SECISBP2: variants seen among roughly 807,000 people sequenced by gnomAD.
The protein encoded by SECISBP2 is selenocysteine insertion sequence-binding protein 2.
A neutral mutation model predicts 98.2 loss-of-function variants in SECISBP2; 96 were observed. The ratio of observed to expected loss-of-function variants is 0.98; its 90% confidence interval spans 0.83 to 1.16. The LOEUF is 1.16. Among genes scored for constraint, SECISBP2 ranks in the 50% most tolerant of loss-of-function variants. The probability of loss-of-function intolerance (pLI) is 0.00; values close to 1 mark genes in which losing one functional copy is unlikely to be tolerated. For synonymous variants in SECISBP2, 407 were observed against 370.2 expected, an observed-to-expected ratio of 1.10 and a Z score of -1.14; for missense variants, 1,046 against 1,022.9, an observed-to-expected ratio of 1.02 and a Z score of -0.31.
At chr9:89,356,402 C>T (rs1227296054) in intron 14 of SECISBP2, 1 of 152,190 alleles carries the variant, frequency 6.6e-6, no homozygotes, top group Non-Finnish European at 1.5e-5. Flanking sequence ...GACATTTCAT[C>T]ATTTTGGATC....
At chr9:89,335,364 TCA>T (rs1828485627) in intron 7 of SECISBP2, among the ~76,000 whole-genome samples, 1 of 152,022 alleles carries the variant, frequency 6.6e-6, no homozygotes, top group South Asian at 2.1e-4. Flanking sequence ...AGATGGGGTC[TCA>T]CTGTTGCCCA....
rs1420682160 is a variant in SECISBP2 at position 89,338,681 on chromosome 9, G to A, written c.1212+101G>A. 3 of 1,218,008 alleles carry A rather than the reference G, an allele frequency of 2.5e-6. No individual in the cohort carries two copies. In the East Asian group the frequency reaches 7.1e-5, roughly 29 times the overall value. 75.5% of individuals were successfully genotyped at this position (1,218,008 alleles called of 1,614,324 possible). On this transcript the variant is annotated intron_variant, in intron 8 of 16. Coordinates refer to ENST00000375807, the MANE Select transcript of SECISBP2 (RefSeq NM_024077.5). ...GGTTTCCTAAGTGAAAATCTCCAGG[G>A]CTTTTTAATGATCATTTTTGTAGTG... is the stretch of plus-strand genomic sequence containing the variant.
At chr9:89,321,701 T>G (rs1003620187) in intron 2 of SECISBP2, among the ~76,000 whole-genome samples, 1 of 152,214 alleles carries the variant, frequency 6.6e-6, no homozygotes, top group Non-Finnish European at 1.5e-5. Flanking sequence ...CTCTTCTTTT[T>G]TAGCTTTGGT....
intron 14 of SECISBP2, chr9:89,355,315 TTGGTAAC>T: frequency 1.0e-6 from 1 of 985,440 alleles, no homozygotes; most frequent in African/African-American, 1.7e-5. Flanking sequence ...GCTGTGTGCC[TTGGTAAC>T]TCGAAAGCAT....
chr9:89,328,766 AG>A lies in SECISBP2; in HGVS notation c.683del (p.Gly228ValfsTer28). 1 of 1,614,208 alleles carries A rather than the reference AG, an allele frequency of 6.2e-7. No homozygotes were observed. Among genetic ancestry groups the A allele is most frequent in the Admixed American group, 1.7e-5 (1 of 60,032 alleles). The stretch of plus-strand genomic sequence containing the variant: ...CCACACTGGACTTTCCTGAACTGCA[AG>A]GTGCAGAGAACAATATGTCAGAGAT... ...FTTLDFPELQGAENNMSEIQK... is the reference protein window; with the variant it reads ...FTTLDFPELQXAENNMSEIQK... On this transcript the variant is annotated frameshift_variant, in exon 5 of 17. Coordinates refer to ENST00000375807, the MANE Select transcript of SECISBP2 (RefSeq NM_024077.5). LOFTEE classifies it high-confidence loss of function.
At chr9:89,362,229 C>A, downstream of SECISBP2, 1 of 1,116,660 alleles carries the variant, frequency 9.0e-7, no homozygotes, top group Non-Finnish European at 1.3e-6. Context: ...CCAGGCTTCT[C>A]CACTGTCCCG....
chr9:89,319,165 GT>G, intron 1 of SECISBP2: 1 of 637,928 alleles, frequency 1.6e-6, no homozygotes, highest in Non-Finnish European at 2.0e-6. Context: ...GCAAAGCAAG[GT>G]TTGGTATTTC....
At chr9:89,356,776 C>A in intron 14 of SECISBP2, 1 of 156,606 alleles carries the variant, frequency 6.4e-6, no homozygotes, top group Non-Finnish European at 1.4e-5. Context: ...TCTTGTGCTG[C>A]TGTTGTAAAT....
chr9:89,327,749 A>C (rs1310088306), intron 4 of SECISBP2, among the ~76,000 whole-genome samples: 1 of 151,908 alleles, frequency 6.6e-6, no homozygotes, highest in Non-Finnish European at 1.5e-5. Flanking sequence ...CTTATTCTGG[A>C]ATCCCTCCTG....
Position 89,348,144 on chromosome 9 carries a change from T to A in SECISBP2, c.1668T>A (p.Phe556Leu). 2 of 1,614,164 alleles carry A rather than the reference T, an allele frequency of 1.2e-6. No homozygotes were observed. The highest frequency in any genetic ancestry group is 1.7e-6 in the Non-Finnish European group (2 of 1,179,972). ...AAGAAAATGCTGTGAGTCCAGCTTT[T>A]ACCAGTGATGACACACAAGATGGAG... Reference protein sequence around the residue: ...RLQENAVSPAFTSDDTQDGES... With the variant: ...RLQENAVSPALTSDDTQDGES... The change falls in exon 12 of 17, where the codon TTT becomes TTA. Residue 556 changes from phenylalanine to leucine, a missense_variant. Transcript: ENST00000375807.
chr9:89,325,262 A>G (rs995683897), intron 2 of SECISBP2, 165 bp from the exon 3 acceptor site: 1 of 661,992 alleles, frequency 1.5e-6, no homozygotes, highest in Non-Finnish European at 2.6e-6. Flanking sequence ...CAGGGTGAGA[A>G]AGAAACACCC....
At chr9:89,348,796 G>A (rs1480358473) in intron 12 of SECISBP2, among the ~76,000 whole-genome samples, 2 of 152,398 alleles carry the variant, frequency 1.3e-5, no homozygotes, top group Non-Finnish European at 2.9e-5. Context: ...TAGTGCAACT[G>A]TGTGTTACGT....
intron 9 of SECISBP2, 138 bp from the exon 10 acceptor site, chr9:89,341,209 C>A: frequency 1.3e-6 from 1 of 795,094 alleles, no homozygotes. Context: ...ATTTTTTTTC[C>A]TTTCATTACT....
intron 7 of SECISBP2, among the ~76,000 whole-genome samples, chr9:89,338,256 C>G (rs866277282): frequency 1.3e-5 from 2 of 152,220 alleles, no homozygotes; most frequent in African/African-American, 4.8e-5. Context: ...GGCATTACAA[C>G]TATTTGAACA....
chr9:89,337,507 A>G (rs1828951632), intron 7 of SECISBP2, among the ~76,000 whole-genome samples: 1 of 152,196 alleles, frequency 6.6e-6, no homozygotes, highest in African/African-American at 2.4e-5. Flanking sequence ...GAAAATATGA[A>G]CAAAGAGAGA....
chr9:89,346,773 G>A, intron 10 of SECISBP2, 109 bp from the exon 11 acceptor site: 1 of 1,275,822 alleles, frequency 7.8e-7, no homozygotes, highest in South Asian at 1.2e-5. Context: ...GGGGTGACTT[G>A]GCAAACTCCT....
rs766495750 is a variant in SECISBP2, at chr9:89,341,444, A to C, written c.1400A>C (p.His467Pro). The change falls in exon 10 of 17, where the codon CAT (histidine) becomes CCT (proline). Residue 467 changes from histidine to proline, a missense_variant. Coordinates refer to ENST00000375807, the MANE Select transcript of SECISBP2 (RefSeq NM_024077.5). ...CTGGAGAAGAAGCAGCACTCTCAGCATGCAAAGCAGTCCTCCAAACCAGTG... is the reference window on the plus strand; with the variant it reads ...CTGGAGAAGAAGCAGCACTCTCAGCCTGCAAAGCAGTCCTCCAAACCAGTG... The part of the protein sequence containing the change: ...TALEKKQHSQ[H>P]AKQSSKPVVV... The C allele has an allele frequency of 5.0e-6, 8 of 1,614,182 alleles. No individual in the cohort carries two copies. The Admixed American group carries it at 1.2e-4, about 24-fold the overall frequency.
intron 7 of SECISBP2, among the ~76,000 whole-genome samples, chr9:89,337,843 T>C (rs1829017087): frequency 6.6e-6 from 1 of 152,196 alleles, no homozygotes; most frequent in African/African-American, 2.4e-5. Flanking sequence ...GAGAAAACCA[T>C]GGGCAGTCCA....
At chr9:89,337,170 T>A (rs948169657) in intron 7 of SECISBP2, among the ~76,000 whole-genome samples, 2 of 152,354 alleles carry the variant, frequency 1.3e-5, no homozygotes, top group East Asian at 1.9e-4. Flanking sequence ...AGATTTTGTT[T>A]TATTTTCCCA....
Sources: allele counts gnomAD v4.1 joint callset (sites outside exome capture counted in the v4.1 genomes callset), GRCh38; gene constraint gnomAD v4.1.1; transcripts MANE v1.5; gene names NCBI Gene and HGNC (gene_info 2026-07-23, HGNC 2026-07-21).